The following SGCZ variants were observed in gnomAD, a reference collection of about 807,000 sequenced individuals.
SGCZ encodes the protein zeta-sarcoglycan.
Under a neutral mutation model 41.3 loss-of-function variants are expected in SGCZ, and 40 were observed. The ratio of observed to expected loss-of-function variants is 0.97; its 90% CI spans 0.75 to 1.26. The LOEUF is 1.26. Ranked by LOEUF, SGCZ falls within the 50% of genes most tolerant of loss-of-function variation. The pLI, the probability that SGCZ is intolerant of heterozygous loss-of-function variation, is 0.00. For synonymous variants in SGCZ, 206 were observed against 137.5 expected (o/e 1.50, Z -3.49); for missense variants, 552 against 369.8 (o/e 1.49, Z -4.04).
chr8:15,166,243 CTTT>C (rs1167112993), intron 1 of SGCZ, among the ~76,000 whole-genome samples: 1 of 129,310 alleles, frequency 7.7e-6, no homozygotes, highest in African/African-American at 2.8e-5. Context: ...TTTTTTTTTT[CTTT>C]TTTTTTTTTT....
At chr8:14,824,184 A>C (rs1802211371) in intron 1 of SGCZ, among the ~76,000 whole-genome samples, 1 of 152,054 alleles carries the variant, frequency 6.6e-6, no homozygotes, top group Non-Finnish European at 1.5e-5. Flanking sequence ...ATTCCACTGC[A>C]CAGTAGGGTG....
intron 4 of SGCZ, among the ~76,000 whole-genome samples, chr8:14,232,892 T>C (rs1238245148): frequency 6.6e-6 from 1 of 152,078 alleles, no homozygotes; most frequent in African/African-American, 2.4e-5. Context: ...ACTCTAAAAC[T>C]AAAATTTCAG....
intron 5 of SGCZ, among the ~76,000 whole-genome samples, chr8:14,154,887 G>C (rs572760305): frequency 2.0e-5 from 3 of 152,104 alleles, no homozygotes; most frequent in Non-Finnish European, 4.4e-5. Flanking sequence ...TCCAGGCATG[G>C]GGGTGAGCCA....
intron 4 of SGCZ, among the ~76,000 whole-genome samples, chr8:14,181,959 T>A (rs1804742405): frequency 6.6e-6 from 1 of 152,194 alleles, no homozygotes; most frequent in African/African-American, 2.4e-5. Context: ...CAATTAGGTT[T>A]CTCTGACTCA....
intron 1 of SGCZ, among the ~76,000 whole-genome samples, chr8:14,830,812 G>A (rs1802500317): frequency 6.6e-6 from 1 of 152,068 alleles, no homozygotes; most frequent in Admixed American, 6.6e-5. Context: ...CTCTCGGTAT[G>A]CAATCACACT....
intron 1 of SGCZ, among the ~76,000 whole-genome samples, chr8:14,586,274 C>T (rs1251704731): frequency 6.6e-6 from 1 of 152,028 alleles, no homozygotes; most frequent in African/African-American, 2.4e-5. Flanking sequence ...AGTGTAGTGG[C>T]CCGATCTCTG....
intron 3 of SGCZ, among the ~76,000 whole-genome samples, chr8:14,246,988 G>A (rs1799119356): frequency 6.7e-6 from 1 of 149,156 alleles, no homozygotes; most frequent in African/African-American, 2.5e-5. Context: ...TCTAATTATT[G>A]AAATTTTTAT....
At chr8:14,155,790 A>G (rs570363099) in intron 5 of SGCZ, among the ~76,000 whole-genome samples, 54 of 152,118 alleles carry the variant, frequency 3.5e-4, no homozygotes, top group African/African-American at 1.2e-3. Context: ...TGAGAAATGC[A>G]TCATTTGGTG....
intron 5 of SGCZ, among the ~76,000 whole-genome samples, chr8:14,112,888 A>G (rs1396293634): frequency 6.6e-6 from 1 of 151,954 alleles, no homozygotes; most frequent in African/African-American, 2.4e-5. Context: ...AACAGAAAAT[A>G]AATTATTTTG....
At chr8:15,053,792 T>A (rs547193531) in intron 1 of SGCZ, among the ~76,000 whole-genome samples, 2 of 152,312 alleles carry the variant, frequency 1.3e-5, no homozygotes, top group East Asian at 3.9e-4. Context: ...TGGATATTTC[T>A]TAGCAAAAAT....
intron 3 of SGCZ, among the ~76,000 whole-genome samples, chr8:14,291,173 G>C (rs2116945215): frequency 6.6e-6 from 1 of 152,014 alleles, no homozygotes; most frequent in South Asian, 2.1e-4. Flanking sequence ...GGGAGAGTCA[G>C]GGAAATTATT....
chr8:14,353,360 C>T (rs889402568), intron 2 of SGCZ, among the ~76,000 whole-genome samples: 2 of 152,076 alleles, frequency 1.3e-5, no homozygotes, highest in Non-Finnish European at 2.9e-5. Flanking sequence ...ATGAATTTCA[C>T]ATACCTGTGT....
intron 2 of SGCZ, among the ~76,000 whole-genome samples, chr8:14,539,602 C>T (rs1563396077): frequency 6.6e-6 from 1 of 151,674 alleles, no homozygotes; most frequent in Non-Finnish European, 1.5e-5. Flanking sequence ...CATAGGTAAA[C>T]TTGTGTCATG....
chr8:14,935,539 T>C (rs1473108967), intron 1 of SGCZ, among the ~76,000 whole-genome samples: 3 of 151,850 alleles, frequency 2.0e-5, no homozygotes, highest in African/African-American at 7.2e-5. Context: ...GAATCAGAGA[T>C]AAAGTACTCT....
chr8:14,385,021 A>G (rs559729577), intron 2 of SGCZ, among the ~76,000 whole-genome samples: 2 of 152,292 alleles, frequency 1.3e-5, no homozygotes, highest in African/African-American at 4.8e-5. Flanking sequence ...GAACTAATAT[A>G]TCCCATAGTT....
rs1466687306 is a variant in SGCZ, at chr8:14,194,766, G to A, written c.425-30064C>T. ...GGCAGAAACAAATTATATAAGCCAT[G>A]TGATTACTGCAGATTACCATTTTAA... is the stretch of plus-strand genomic sequence containing the variant. On this transcript the variant is annotated intron_variant, in intron 4 of 7. Coordinates refer to ENST00000382080, the MANE Select transcript of SGCZ (RefSeq NM_139167.4). Among the ~76,000 whole-genome samples the A allele has an allele frequency of 3.3e-5, 5 of 151,926 alleles. No individual in the cohort carries two copies. In the East Asian group the frequency reaches 9.7e-4, roughly 29 times the overall value.
At chr8:15,122,433 T>C (rs1356298489) in intron 1 of SGCZ, among the ~76,000 whole-genome samples, 1 of 152,170 alleles carries the variant, frequency 6.6e-6, no homozygotes, top group East Asian at 1.9e-4. Flanking sequence ...TGAATTCAAA[T>C]ATCTTATTTC....
intron 2 of SGCZ, among the ~76,000 whole-genome samples, chr8:14,422,353 A>G (rs1193233809): frequency 6.6e-6 from 1 of 152,224 alleles, no homozygotes; most frequent in African/African-American, 2.4e-5. Context: ...TATATTTACT[A>G]GTATGTATAT....
At chr8:14,146,109 G>C (rs1383051933) in intron 5 of SGCZ, among the ~76,000 whole-genome samples, 4 of 152,094 alleles carry the variant, frequency 2.6e-5, no homozygotes, top group Non-Finnish European at 5.9e-5. Flanking sequence ...ACACCAAGCA[G>C]ATTCAACCCA....
Sources: gnomAD v4.1 joint callset for allele counts (sites outside exome capture counted in the v4.1 genomes callset) on GRCh38, gnomAD v4.1.1 for gene constraint, MANE v1.5 for transcripts, NCBI Gene and HGNC (gene_info 2026-07-23, HGNC 2026-07-21) for gene names.